Variants in NPAS3 observed in about 807,000 individuals in gnomAD.
NPAS3 encodes neuronal PAS domain-containing protein 3.
NPAS3 carries 14 observed loss-of-function variants against 73.1 expected under a neutral mutation model. The ratio of observed to expected loss-of-function variants is 0.19; its 90% CI spans 0.13 to 0.30. The LOEUF is 0.30. Among genes scored for constraint, NPAS3 ranks in the 10% least tolerant of loss-of-function variants. NPAS3 has a pLI of 1.00. For missense variants in NPAS3, 1,096 were observed against 1,250.0 expected (o/e 0.88, Z 1.86); for synonymous variants, 620 against 541.5 (o/e 1.14, Z -2.01).
intron 1 of NPAS3, among the ~76,000 whole-genome samples, chr14:32,947,957 T>C (rs8017203): frequency 0.3 from 45,603 of 151,962 alleles, 7,904 homozygotes; most frequent in Middle Eastern, 0.46. Flanking sequence ...TGAGCCTTTT[T>C]GGGATGCTCA....
chr14:33,172,668 G>A (rs958270888), intron 2 of NPAS3, among the ~76,000 whole-genome samples: 10 of 151,970 alleles, frequency 6.6e-5, no homozygotes, highest in Admixed American at 2.6e-4. Context: ...CCTTGGAGGC[G>A]GAGGTTACGC....
At position 33,408,993 on chromosome 14, in the gene NPAS3, C is replaced by T. The variant is rs539112495; in HGVS notation, c.468+41725C>T. ...AATGCTTAAGCAATGGCAAAACTAT[C>T]AAACCAACAGGTGTTATGAAGTATA... On this transcript the variant is annotated intron_variant, in intron 4 of 11. Transcript: ENST00000356141. Among the ~76,000 whole-genome samples the T allele has an allele frequency of 4.6e-5, 7 of 152,270 alleles. No individual in the cohort carries two copies. The East Asian group carries it at 1.3e-3, about 29-fold the overall frequency.
chr14:32,960,736 T>C (rs537059930), intron 1 of NPAS3, among the ~76,000 whole-genome samples: 2 of 152,344 alleles, frequency 1.3e-5, no homozygotes, highest in Admixed American at 1.3e-4. Context: ...TATATACTTA[T>C]GTGCTTGATG....
intron 5 of NPAS3, among the ~76,000 whole-genome samples, chr14:33,673,976 G>A (rs553866106): frequency 2.0e-5 from 3 of 152,196 alleles, no homozygotes; most frequent in East Asian, 1.9e-4. Flanking sequence ...TGCCCACCTC[G>A]CCCTCATCAT....
intron 3 of NPAS3, among the ~76,000 whole-genome samples, chr14:33,347,586 A>C (rs1048163384): frequency 6.6e-6 from 1 of 152,240 alleles, no homozygotes; most frequent in Non-Finnish European, 1.5e-5. Flanking sequence ...GGTGACAGGT[A>C]GTCGGAGCCC....
chr14:33,068,537 A>T (rs1229760948), intron 2 of NPAS3, among the ~76,000 whole-genome samples: 2 of 152,190 alleles, frequency 1.3e-5, no homozygotes, highest in African/African-American at 4.8e-5. Flanking sequence ...TCAAAGTTGG[A>T]TGATTCTCAA....
chr14:33,761,874 G>A (rs897115736), intron 7 of NPAS3, among the ~76,000 whole-genome samples: 1 of 152,112 alleles, frequency 6.6e-6, no homozygotes. Context: ...CCCCAACTTA[G>A]GCTACATGTA....
chr14:33,160,637 T>C lies in NPAS3; in HGVS notation c.141-54545T>C, dbSNP rs1464639703. ...CACATGTACCCTAAAACTTAAAGTA[T>C]AATTAAAAAAAAAAAAAGAAAAGTC... On this transcript the variant is annotated intron_variant, in intron 2 of 11. Coordinates refer to ENST00000356141, the Ensembl canonical transcript of NPAS3. Among the ~76,000 whole-genome samples, 3 of 149,202 alleles carry C rather than the reference T, an allele frequency of 2.0e-5. No homozygotes were observed. In the East Asian group the frequency reaches 5.8e-4, roughly 29 times the overall value.
chr14:33,085,721 C>A (rs1224123284), intron 2 of NPAS3, among the ~76,000 whole-genome samples: 2 of 152,040 alleles, frequency 1.3e-5, no homozygotes, highest in African/African-American at 4.8e-5. Context: ...GATATTGTTT[C>A]ATTTTTTAAA....
Position 33,800,380 on chromosome 14 carries a change from C to T in NPAS3, c.2073C>T (p.Phe691=). 1.2e-6 allele frequency: 2 copies of T among 1,607,868 alleles called. No individual in the cohort carries two copies. The highest frequency in any genetic ancestry group is 1.3e-5 in the African/African-American group (1 of 74,294). The change falls in exon 12 of 12, where the codon TTC becomes TTT. Residue 691 remains phenylalanine (F), a synonymous_variant. Transcript: ENST00000356141. This position sits in a 1 kb window ranked among gnomAD's most constrained non-coding sequence, Gnocchi z 6.5. ...CCAAGCCCCCCAGCTCTGAGCACTT[C>T]CCGTCCCCGCAGGGCGGCGGCGGTG...
At position 33,538,490 on chromosome 14, in the gene NPAS3, C is replaced by A. The variant is rs191437562; in HGVS notation, c.469-21631C>A. On this transcript the variant is annotated intron_variant, in intron 4 of 11. Coordinates refer to ENST00000356141, the Ensembl canonical transcript of NPAS3. ...CAGAAGAGTAAAGTAATTCCTTAAG[C>A]AGTTTGTCTCTTACAGTAGTCAGTC... Among the ~76,000 whole-genome samples, 121 of 152,318 alleles carry A rather than the reference C, an allele frequency of 7.9e-4. 1 individual carries two copies. The highest frequency in any genetic ancestry group is 2.7e-3 in the African/African-American group (114 of 41,574).
chr14:33,266,122 G>A (rs2040806354), intron 3 of NPAS3, among the ~76,000 whole-genome samples: 1 of 152,126 alleles, frequency 6.6e-6, no homozygotes, highest in African/African-American at 2.4e-5. Flanking sequence ...CTTTGGGGAA[G>A]TCATTGCATT....
chr14:33,710,395 T>G, intron 6 of NPAS3, among the ~76,000 whole-genome samples: 1 of 152,212 alleles, frequency 6.6e-6, no homozygotes, highest in East Asian at 1.9e-4. Context: ...TGTCCTGAGT[T>G]GATAAAGGGT....
chr14:33,756,864 C>T (rs2062131323), intron 7 of NPAS3, among the ~76,000 whole-genome samples: 1 of 152,126 alleles, frequency 6.6e-6, no homozygotes, highest in African/African-American at 2.4e-5. Context: ...GTAGTACATA[C>T]CTAGGTGCTG....
At chr14:33,198,598 G>A (rs796849351) in intron 2 of NPAS3, among the ~76,000 whole-genome samples, 2 of 152,350 alleles carry the variant, frequency 1.3e-5, no homozygotes, top group African/African-American at 4.8e-5. Flanking sequence ...ATAGAGTGCT[G>A]ATTGGTGTAT....
In NPAS3 at chr14:33,347,183, A is replaced by G. The variant is rs529569753; in HGVS notation, c.386-20003A>G. Reference sequence around the variant, plus strand: ...ATGCTGCTTTTGTGAATTATTAACAATCTTTTTACCTACTCAAAGATTCAC... The same window carrying G: ...ATGCTGCTTTTGTGAATTATTAACAGTCTTTTTACCTACTCAAAGATTCAC... On this transcript the variant is annotated intron_variant, in intron 3 of 11. Coordinates refer to ENST00000356141, the Ensembl canonical transcript of NPAS3. 4.2e-4 allele frequency among the ~76,000 whole-genome samples: 64 copies of G among 152,346 alleles called. 1 individual carries two copies. The South Asian group carries it at 0.013, about 30-fold the overall frequency.
At chr14:33,223,512 C>A (rs560567327) in intron 3 of NPAS3, among the ~76,000 whole-genome samples, 1 of 152,212 alleles carries the variant, frequency 6.6e-6, no homozygotes, top group Admixed American at 6.5e-5. Flanking sequence ...ATTAAACATA[C>A]CATGTGACTG....
intron 1 of NPAS3, among the ~76,000 whole-genome samples, chr14:33,017,469 G>A (rs1296335371): frequency 6.6e-6 from 1 of 152,118 alleles, no homozygotes; most frequent in Non-Finnish European, 1.5e-5. Flanking sequence ...GGGATTTATG[G>A]GTTTTGGAGC....
intron 9 of NPAS3, among the ~76,000 whole-genome samples, chr14:33,792,545 C>G (rs2063387959): frequency 2.8e-5 from 4 of 141,712 alleles, no homozygotes; most frequent in Admixed American, 2.1e-4. Context: ...AGCCCTTTTC[C>G]AAAGTGACTT....
Sources: gnomAD v4.1 joint callset for allele counts (sites outside exome capture counted in the v4.1 genomes callset) on GRCh38, gnomAD v4.1.1 for gene constraint, Gnocchi (gnomAD v3.1) non-coding constraint, MANE v1.5 for transcripts, NCBI Gene and HGNC (gene_info 2026-07-23, HGNC 2026-07-21) for gene names.